Variants in PCDHGA7 observed in about 807,000 individuals in gnomAD.
The protein encoded by PCDHGA7 is protocadherin gamma-A7.
In PCDHGA7, 44 loss-of-function variants were observed where a neutral mutation model predicts 58.3. The observed-to-expected ratio is 0.75, with a 90% CI of 0.59 to 0.97. The LOEUF (loss-of-function observed/expected upper bound fraction) is 0.97, where lower values mean the gene tolerates loss of function less well. Among genes scored for constraint, PCDHGA7 ranks in the 50% least tolerant of loss-of-function variants. The probability of loss-of-function intolerance (pLI) is 0.00; values close to 1 mark genes in which losing one functional copy is unlikely to be tolerated. For synonymous variants in PCDHGA7, 516 were observed against 504.2 expected (o/e 1.02, Z -0.31); for missense variants, 1,266 against 1,188.7 (o/e 1.06, Z -0.96).
intron 1 of PCDHGA7, chr5:141,478,134 C>A (rs2099431418): frequency 6.2e-7 from 1 of 1,614,074 alleles, no homozygotes; most frequent in African/African-American, 1.3e-5. Flanking sequence ...TCTCCTGAAG[C>A]CCGAGCCGAG....
rs772444495 is a variant in PCDHGA7 at position 141,491,766 on chromosome 5, T to C, written c.2425-3041T>C. 14 of 1,567,738 alleles carry C rather than the reference T, an allele frequency of 8.9e-6. No homozygotes were observed. The African/African-American group carries it at 1.6e-4, about 18-fold the overall frequency. ...GCACTGGAGAAGCCGCCCGTCCTCA[T>C]AAGGGATTGAACTTGCATCCACTCC... On this transcript the variant is annotated intron_variant, in intron 1 of 3. Coordinates refer to ENST00000518325, the MANE Select transcript of PCDHGA7 (RefSeq NM_018920.4). The surrounding 1 kb of genome is among the most constrained non-coding windows in gnomAD (Gnocchi z 6.9).
At chr5:141,400,302 T>A (rs7701363) in intron 1 of PCDHGA7, 1 of 1,614,082 alleles carries the variant, frequency 6.2e-7, no homozygotes, top group African/African-American at 1.3e-5. Context: ...GCTTCCAACC[T>A]GGTCTCTGTG....
intron 1 of PCDHGA7, among the ~76,000 whole-genome samples, chr5:141,463,736 G>A (rs757788192): frequency 1.3e-5 from 2 of 151,992 alleles, no homozygotes; most frequent in East Asian, 3.9e-4. Flanking sequence ...ATGAGCCACC[G>A]CGCCCGGCCT....
chr5:141,423,656 A>G (rs988976310), intron 1 of PCDHGA7: 2 of 1,571,854 alleles, frequency 1.3e-6, no homozygotes, highest in African/African-American at 1.4e-5. Context: ...CCGACAAGTA[A>G]TCAGGTGAGA....
intron 1 of PCDHGA7, among the ~76,000 whole-genome samples, chr5:141,438,793 C>T (rs982191766): frequency 2.7e-5 from 4 of 149,544 alleles, no homozygotes; most frequent in African/African-American, 7.4e-5. Context: ...TCTCCAGTAG[C>T]TGGGATTACA....
At chr5:141,448,730 G>A (rs1419700194) in intron 1 of PCDHGA7, among the ~76,000 whole-genome samples, 1 of 152,072 alleles carries the variant, frequency 6.6e-6, no homozygotes, top group African/African-American at 2.4e-5. Context: ...CACGAGGTCA[G>A]GAGATCGAGA....
chr5:141,429,376 T>TG (rs2097206796), intron 1 of PCDHGA7, among the ~76,000 whole-genome samples: 1 of 144,558 alleles, frequency 6.9e-6, no homozygotes, highest in Non-Finnish European at 1.5e-5. Context: ...GGAGAAAATG[T>TG]GTTTTTTTTT....
At chr5:141,420,029 G>T (rs1382842280) in intron 1 of PCDHGA7, 2 of 1,614,082 alleles carry the variant, frequency 1.2e-6, no homozygotes, top group Non-Finnish European at 1.7e-6. Flanking sequence ...CCCTACTGCA[G>T]GAGACTGCTT....
chr5:141,422,901 C>T (rs768086403), intron 1 of PCDHGA7: 5 of 1,614,276 alleles, frequency 3.1e-6, no homozygotes, highest in Non-Finnish European at 4.2e-6. Context: ...ACCAGAACGA[C>T]AATGCGCCCG....
rs755177334 is a variant in PCDHGA7, at chr5:141,403,403, C to A, written c.2424+18080C>A. On this transcript the variant is annotated intron_variant, in intron 1 of 3. Coordinates refer to ENST00000518325, the MANE Select transcript of PCDHGA7 (RefSeq NM_018920.4). ...TAACGAAATCGCGGTTCCTGGAGCA[C>A]GTTATCCACTTCCAGAAGCTATTGA... 6.2e-6 allele frequency: 10 copies of A among 1,613,948 alleles called. 1 individual carries two copies. The South Asian group carries it at 1.1e-4, about 18-fold the overall frequency.
Position 141,431,534 on chromosome 5 carries a change from A to G in PCDHGA7, c.2424+46211A>G, listed in dbSNP as rs1331176313. Reference sequence around the variant, plus strand: ...CGTTCCGGAGAATCTGGCCTTGGGCACGCAGCTGCTTGTAGTCAACGCTAC... The same window carrying G: ...CGTTCCGGAGAATCTGGCCTTGGGCGCGCAGCTGCTTGTAGTCAACGCTAC... On this transcript the variant is annotated intron_variant, in intron 1 of 3. Coordinates refer to ENST00000518325, the MANE Select transcript of PCDHGA7 (RefSeq NM_018920.4). This position sits in a 1 kb window ranked among gnomAD's most constrained non-coding sequence, Gnocchi z 4.8. The G allele has an allele frequency of 1.2e-6, 2 of 1,614,110 alleles. No individual in the cohort carries two copies. The highest frequency in any genetic ancestry group is 8.5e-7 in the Non-Finnish European group (1 of 1,180,042).
At position 141,511,148 on chromosome 5, in the gene PCDHGA7, A is replaced by C; in HGVS notation, c.2774A>C (p.Lys925Thr). Residue 925 changes from lysine to threonine, a missense_variant, in exon 4 of 4, where the codon AAG (lysine) becomes ACG (threonine). Coordinates refer to ENST00000518325, the MANE Select transcript of PCDHGA7 (RefSeq NM_018920.4). ...APAGGNGNKKKSGKKEKK is the reference protein window; with the variant it reads ...APAGGNGNKKTSGKKEKK ...GCAGGTGGCAATGGCAACAAGAAGA[A>C]GTCGGGCAAGAAGGAGAAGAAGTAA... is the stretch of plus-strand genomic sequence containing the variant. The C allele has an allele frequency of 6.2e-7, 1 of 1,614,202 alleles. No individual in the cohort carries two copies. Among genetic ancestry groups the C allele is most frequent in the East Asian group, 2.2e-5 (1 of 44,882 alleles).
chr5:141,441,102 C>A (rs1057297804), intron 1 of PCDHGA7: 2 of 152,148 alleles, frequency 1.3e-5, no homozygotes, highest in Non-Finnish European at 2.9e-5. Flanking sequence ...GAGAGGGACT[C>A]ATTGTCCAGT....
intron 1 of PCDHGA7, among the ~76,000 whole-genome samples, chr5:141,444,152 ATTTTTTTTTTTTTTTTTTTTT>A (rs747671382): frequency 8.9e-5 from 3 of 33,882 alleles, no homozygotes; most frequent in Admixed American, 3.9e-4. Context: ...TGTGTACTGG[ATTTTTTTTTTTTTTTTTTTTT>A]TTTTTTTTTT....
At chr5:141,473,343 T>G (rs1309426537) in intron 1 of PCDHGA7, among the ~76,000 whole-genome samples, 1 of 152,218 alleles carries the variant, frequency 6.6e-6, no homozygotes, top group African/African-American at 2.4e-5. Context: ...TGCTAGACAG[T>G]GAGGATGCAA....
At chr5:141,510,040 G>A (rs2099879305) in intron 3 of PCDHGA7, among the ~76,000 whole-genome samples, 1 of 152,220 alleles carries the variant, frequency 6.6e-6, no homozygotes, top group Non-Finnish European at 1.5e-5. Flanking sequence ...GTTATGTAGA[G>A]GTTAAAAGTG....
rs1203060261 is a variant in PCDHGA7, at chr5:141,493,037, AG to A, written c.2425-1768del. 3.3e-5 allele frequency among the ~76,000 whole-genome samples: 5 copies of A among 152,252 alleles called. No individual in the cohort carries two copies. The highest frequency in any genetic ancestry group is 2.6e-4 in the Admixed American group (4 of 15,290). ...AGATGCCAGGGTGCCCTTATGTGTG[AG>A]GAAACTACAATAGTAAAAAACACAA... is the stretch of plus-strand genomic sequence containing the variant. On this transcript the variant is annotated intron_variant, in intron 1 of 3. Transcript: ENST00000518325. This position sits in a 1 kb window ranked among gnomAD's most constrained non-coding sequence, Gnocchi z 4.3.
Position 141,394,271 on chromosome 5 carries a change from G to C in PCDHGA7, c.2424+8948G>C, listed in dbSNP as rs768847661. The stretch of plus-strand genomic sequence containing the variant: ...ACCCCGACAGCCAGGAGAATGCCCA[G>C]GTCACTTACTCTGTGACCGAGGACA... On this transcript the variant is annotated intron_variant, in intron 1 of 3. Transcript: ENST00000518325. 9 of 1,613,862 alleles carry C rather than the reference G, an allele frequency of 5.6e-6. No individual in the cohort carries two copies. In the South Asian group the frequency reaches 9.9e-5, roughly 18 times the overall value.
chr5:141,428,057 G>T, intron 1 of PCDHGA7: 1 of 1,609,044 alleles, frequency 6.2e-7, no homozygotes, highest in Non-Finnish European at 8.5e-7. Flanking sequence ...AGGTGGTGGC[G>T]GTGGACGCAG....
Sources: allele counts gnomAD v4.1 joint callset (sites outside exome capture counted in the v4.1 genomes callset), GRCh38; gene constraint gnomAD v4.1.1; non-coding constraint Gnocchi (gnomAD v3.1); transcripts MANE v1.5; gene names NCBI Gene and HGNC (gene_info 2026-07-23, HGNC 2026-07-21).